Variants in ATG2B observed in about 807,000 individuals in gnomAD.
The protein encoded by ATG2B is autophagy related 2B.
In ATG2B, 121 loss-of-function variants were observed where a neutral mutation model predicts 241.3. The ratio of observed to expected loss-of-function variants is 0.50; its 90% CI spans 0.43 to 0.58. The LOEUF (loss-of-function observed/expected upper bound fraction) is 0.58. Among genes scored for constraint, ATG2B ranks in the 20% least tolerant of loss-of-function variants. ATG2B has a pLI of 0.00. For synonymous variants in ATG2B, 858 were observed against 876.6 expected (o/e 0.98, Z 0.37); for missense variants, 2,306 against 2,491.6 (o/e 0.93, Z 1.59).
At chr14:96,301,939 A>G in intron 34 of ATG2B, 68 bp downstream of exon 34, 4 of 1,231,914 alleles carry the variant, frequency 3.2e-6, no homozygotes, top group Non-Finnish European at 4.7e-6. Flanking sequence ...TAAACATTAC[A>G]ATTTCTTTAT....
intron 1 of ATG2B, among the ~76,000 whole-genome samples, chr14:96,355,454 C>A (rs961845821): frequency 6.6e-6 from 1 of 152,130 alleles, no homozygotes; most frequent in Non-Finnish European, 1.5e-5. Flanking sequence ...GAGAAGCCCA[C>A]TCCTTTAAAA....
chr14:96,344,553 C>A, intron 4 of ATG2B, 101 bp downstream of exon 4: 1 of 515,558 alleles, frequency 1.9e-6, no homozygotes, highest in Non-Finnish European at 3.4e-6. Flanking sequence ...TGAAATTATG[C>A]AATATTTTCA....
intron 36 of ATG2B, among the ~76,000 whole-genome samples, chr14:96,292,398 A>G (rs1886510485): frequency 6.6e-6 from 1 of 152,188 alleles, no homozygotes; most frequent in South Asian, 2.1e-4. Flanking sequence ...ATGTAATAAA[A>G]ACCTTTTCTC....
rs1402371907 is a variant in ATG2B at position 96,325,666 on chromosome 14, GT to G, written c.2419del (p.Thr807ProfsTer5). On this transcript the variant is annotated frameshift_variant, in exon 15 of 42. Transcript: ENST00000359933. LOFTEE classifies it high-confidence loss of function. ...AATCTTACCAATTAGTTCTCTAAAGGTAAGTTCCAATTTAATTTGTTCTGGG... is the reference window on the plus strand; with the variant it reads ...AATCTTACCAATTAGTTCTCTAAAGGAAGTTCCAATTTAATTTGTTCTGGG... ...STPEQIKLEL[T>X]FRELIGSFQE... 6.2e-7 allele frequency: 1 copy of G among 1,612,636 alleles called. No homozygotes were observed. The highest frequency in any genetic ancestry group is 8.5e-7 in the Non-Finnish European group (1 of 1,179,632).
rs56358004 is a variant in ATG2B at position 96,280,398 on chromosome 14, G to A, written c.*5357C>T. ...CAGGGACTCTAGTAACTGCCTCTGAGTGGGGGCTGTGAAATTATAAAAAGA... is the reference window on the plus strand; with the variant it reads ...CAGGGACTCTAGTAACTGCCTCTGAATGGGGGCTGTGAAATTATAAAAAGA... On this transcript the variant is annotated 3_prime_UTR_variant, in exon 42 of 42. Coordinates refer to ENST00000359933, the MANE Select transcript of ATG2B (RefSeq NM_018036.7). The A allele has an allele frequency of 6.6e-6, 1 of 152,308 alleles. No homozygotes were observed. Among genetic ancestry groups the A allele is most frequent in the African/African-American group, 2.4e-5 (1 of 41,550 alleles). The allele number at this position is 152,308 out of a possible 1,614,324, so 9.4% of individuals were successfully genotyped here. A position where few individuals can be genotyped will look rare whatever the true frequency, so the allele number is the denominator to read the frequency against.
intron 29 of ATG2B, among the ~76,000 whole-genome samples, chr14:96,308,277 TA>T (rs1256364151): frequency 2.4e-5 from 1 of 40,976 alleles, no homozygotes; most frequent in South Asian, 7.4e-4. Context: ...TATATATATA[TA>T]TATATTTTTT....
At chr14:96,288,174 A>G (rs1423432317) in intron 41 of ATG2B, among the ~76,000 whole-genome samples, 1 of 151,954 alleles carries the variant, frequency 6.6e-6, no homozygotes, top group Non-Finnish European at 1.5e-5. Context: ...CCCAGTTCCA[A>G]TCCTGGCTCC....
At chr14:96,319,287 G>A (rs1887397315) in intron 18 of ATG2B, among the ~76,000 whole-genome samples, 1 of 152,100 alleles carries the variant, frequency 6.6e-6, no homozygotes, top group Non-Finnish European at 1.5e-5. Context: ...AATATTGGAT[G>A]GTGCTTGTAG....
Position 96,290,541 on chromosome 14 carries a change from C to A in ATG2B, c.5751G>T (p.Lys1917Asn). The A allele has an allele frequency of 6.2e-7, 1 of 1,614,212 alleles. No homozygotes were observed. Among genetic ancestry groups the A allele is most frequent in the Non-Finnish European group, 8.5e-7 (1 of 1,180,038 alleles). The change falls in exon 40 of 42, where the codon AAG becomes AAT. Residue 1917 changes from lysine to asparagine, a missense_variant. Physicochemically the swap from Lys to Asn is moderately conservative, Grantham distance 94. Around this residue, in one of 2 missense-constraint regions of ATG2B, gnomAD observed 379 missense variants for 480.4 expected, o/e 0.79. Coordinates refer to ENST00000359933, the MANE Select transcript of ATG2B (RefSeq NM_018036.7). This position sits in a 1 kb window ranked among gnomAD's most constrained non-coding sequence, Gnocchi z 4.4. ...GAAACCCTCTGACAATGCGGCCATC[C>A]TTCCGGTACTGCTCTATTGGGAGCC... ...LVWLPIEQYR[K>N]DGRIVRGFQR...
intron 18 of ATG2B, among the ~76,000 whole-genome samples, chr14:96,321,447 A>G (rs988450383): frequency 2.0e-5 from 3 of 152,182 alleles, no homozygotes; most frequent in African/African-American, 4.8e-5. Flanking sequence ...TATGCCATAC[A>G]CTATTCTCAG....
chr14:96,292,994 G>A (rs1886529590), intron 36 of ATG2B: 1 of 152,054 alleles, frequency 6.6e-6, no homozygotes. Flanking sequence ...TTTTTAATTT[G>A]TATTATTTTT....
chr14:96,329,550 C>T lies in ATG2B; in HGVS notation c.1815G>A (p.Gly605=), dbSNP rs1887676086. 1.9e-6 allele frequency: 3 copies of T among 1,611,186 alleles called. No individual in the cohort carries two copies. Residue 605 remains glycine (G), a synonymous_variant, in exon 12 of 42, where the codon GGG becomes GGA. Coordinates refer to ENST00000359933, the MANE Select transcript of ATG2B (RefSeq NM_018036.7). ...SRYFSTDMSI[G]QMEFLECLFP... ...ATAGGCACTCCAAAAATTCCATTTG[C>T]CCAATGGACATATCAGTACTAAAAT...
intron 18 of ATG2B, 21 bp downstream of exon 18, chr14:96,322,091 A>C: frequency 1.3e-6 from 2 of 1,487,798 alleles, no homozygotes; most frequent in Non-Finnish European, 1.8e-6. Flanking sequence ...CAAAGATTCA[A>C]CTAAATGTGT....
intron 29 of ATG2B, among the ~76,000 whole-genome samples, chr14:96,308,233 TATATATATATATATATATACAC>T (rs1887018884): frequency 7.0e-5 from 1 of 14,368 alleles, no homozygotes; most frequent in East Asian, 6.6e-4. Flanking sequence ...TATATATACA[TATATATATATATATATATACAC>T]ACATATATAT....
At chr14:96,347,501 T>C (rs1030124252) in intron 1 of ATG2B, among the ~76,000 whole-genome samples, 160 bp from the exon 2 acceptor site, 2 of 152,154 alleles carry the variant, frequency 1.3e-5, no homozygotes, top group African/African-American at 2.4e-5. Context: ...AGTGGACAAA[T>C]GCTTCTGCAC....
intron 6 of ATG2B, among the ~76,000 whole-genome samples, chr14:96,340,046 G>C (rs536070574): frequency 8.9e-5 from 10 of 112,352 alleles, no homozygotes; most frequent in African/African-American, 2.9e-4. Flanking sequence ...GAATATATAT[G>C]ATATATATGA....
intron 14 of ATG2B, among the ~76,000 whole-genome samples, chr14:96,326,781 A>G (rs1425673316): frequency 6.6e-6 from 1 of 152,104 alleles, no homozygotes; most frequent in Non-Finnish European, 1.5e-5. Flanking sequence ...GCTGGTCTCA[A>G]ACTCCTGGGC....
chr14:96,334,528 T>C (rs1407507513), intron 6 of ATG2B, 27 bp from the exon 7 acceptor site: 6 of 1,350,816 alleles, frequency 4.4e-6, no homozygotes, highest in Non-Finnish European at 6.3e-6. Flanking sequence ...AAACTATTCA[T>C]GAGGAGTATT....
At chr14:96,351,767 A>C (rs1422392027) in intron 1 of ATG2B, among the ~76,000 whole-genome samples, 1 of 151,262 alleles carries the variant, frequency 6.6e-6, no homozygotes, top group Non-Finnish European at 1.5e-5. Flanking sequence ...ATGGCATGGT[A>C]GCCCGTGCCT....
Sources: gnomAD v4.1 joint callset for allele counts (sites outside exome capture counted in the v4.1 genomes callset) on GRCh38, gnomAD v4.1.1 for gene constraint, gnomAD v4.1.1 regional missense constraint, Gnocchi (gnomAD v3.1) non-coding constraint, MANE v1.5 for transcripts, NCBI Gene and HGNC (gene_info 2026-07-23, HGNC 2026-07-21) for gene names.